FAM168A: variants seen among roughly 807,000 people sequenced by gnomAD.
FAM168A encodes the protein protein FAM168A.
A neutral mutation model predicts 28.5 loss-of-function variants in FAM168A; 3 were observed. The observed-to-expected ratio is 0.11, with a 90% CI of 0.05 to 0.27. The LOEUF (loss-of-function observed/expected upper bound fraction) is 0.27, where lower values mean the gene tolerates loss of function less well. Among genes scored for constraint, FAM168A ranks in the 10% least tolerant of loss-of-function variants. The pLI is 1.00. For synonymous variants in FAM168A, 122 were observed against 124.2 expected (o/e 0.98, Z 0.12); for missense variants, 222 against 311.5 (o/e 0.71, Z 2.16).
At chr11:73,463,290 C>T (rs1468633463) in intron 2 of FAM168A, among the ~76,000 whole-genome samples, 1 of 152,022 alleles carries the variant, frequency 6.6e-6, no homozygotes, top group Admixed American at 6.6e-5. Context: ...TGTTTTACTG[C>T]AATCTTTTTT....
chr11:73,472,182 G>A (rs1737007866), intron 1 of FAM168A, among the ~76,000 whole-genome samples: 1 of 152,136 alleles, frequency 6.6e-6, no homozygotes, highest in African/African-American at 2.4e-5. Flanking sequence ...AATCCACTCA[G>A]GCTGCTTAGG....
At chr11:73,574,222 C>A (rs1336976296) in intron 1 of FAM168A, among the ~76,000 whole-genome samples, 1 of 152,142 alleles carries the variant, frequency 6.6e-6, no homozygotes, top group African/African-American at 2.4e-5. Context: ...ATTTAAAAGG[C>A]ATTTTCACAT....
Position 73,465,338 on chromosome 11 carries a change from A to T in FAM168A, c.70+3067T>A, listed in dbSNP as rs185028048. ...AGAAGAATGTTGAGGTCTTGACTAC[A>T]CTCCAAAATTCTAACAGAAAAACCT... is the stretch of plus-strand genomic sequence containing the variant. On this transcript the variant is annotated intron_variant, in intron 2 of 7. Transcript: ENST00000356467. Among the ~76,000 whole-genome samples the T allele has an allele frequency of 5.3e-5, 8 of 151,516 alleles. No individual in the cohort carries two copies. In the East Asian group the frequency reaches 1.5e-3, roughly 29 times the overall value.
intron 1 of FAM168A, among the ~76,000 whole-genome samples, chr11:73,530,616 A>G (rs1379890938): frequency 6.6e-6 from 1 of 152,130 alleles, no homozygotes; most frequent in African/African-American, 2.4e-5. Context: ...CTTTTCCCTC[A>G]GCCTTAGGTA....
intron 2 of FAM168A, among the ~76,000 whole-genome samples, chr11:73,447,208 C>T (rs563534158): frequency 3.3e-4 from 50 of 152,230 alleles, no homozygotes; most frequent in African/African-American, 1.2e-3. Flanking sequence ...GGTTATTATT[C>T]CCTTAACTAG....
At chr11:73,568,764 G>A (rs1367286687) in intron 1 of FAM168A, among the ~76,000 whole-genome samples, 2 of 151,954 alleles carry the variant, frequency 1.3e-5, no homozygotes, top group African/African-American at 4.8e-5. Flanking sequence ...GTATGGTGGT[G>A]GGCACCTGTA....
At position 73,498,324 on chromosome 11, in the gene FAM168A, C is replaced by A. The variant is rs541331779; in HGVS notation, c.-18-29832G>T. On this transcript the variant is annotated intron_variant, in intron 1 of 7. Coordinates refer to ENST00000356467, the MANE Select transcript of FAM168A (RefSeq NM_015159.3). ...GAGCTGCACAGGGAAGGGGACCCCC[C>A]CTTCCCCCCAGCCAAGGGAGGCAGT... Among the ~76,000 whole-genome samples the A allele has an allele frequency of 1.2e-3, 177 of 152,298 alleles. 1 individual carries two copies. The highest frequency in any genetic ancestry group is 4.1e-3 in the African/African-American group (169 of 41,558).
intron 1 of FAM168A, among the ~76,000 whole-genome samples, chr11:73,579,117 C>T (rs954273764): frequency 6.6e-6 from 1 of 152,112 alleles, no homozygotes; most frequent in African/African-American, 2.4e-5. Flanking sequence ...TCTTCTTATA[C>T]AGGCACTTAT....
At chr11:73,485,036 T>C (rs1868035085) in intron 1 of FAM168A, among the ~76,000 whole-genome samples, 1 of 152,138 alleles carries the variant, frequency 6.6e-6, no homozygotes, top group African/African-American at 2.4e-5. Flanking sequence ...CTGACTAAAA[T>C]ATTAATCTCC....
intron 1 of FAM168A, among the ~76,000 whole-genome samples, chr11:73,545,883 A>G (rs1379380591): frequency 6.6e-6 from 1 of 151,900 alleles, no homozygotes; most frequent in Admixed American, 6.6e-5. Flanking sequence ...ATTCACAACA[A>G]AAAAACCCTG....
At chr11:73,540,928 G>C (rs1011370850) in intron 1 of FAM168A, among the ~76,000 whole-genome samples, 1 of 152,076 alleles carries the variant, frequency 6.6e-6, no homozygotes, top group Non-Finnish European at 1.5e-5. Context: ...AATTAGTCCG[G>C]GTACGGTGGC....
chr11:73,588,878 G>A (rs1308840239), intron 1 of FAM168A, among the ~76,000 whole-genome samples: 1 of 152,124 alleles, frequency 6.6e-6, no homozygotes, highest in African/African-American at 2.4e-5. Flanking sequence ...TGGAATGAGT[G>A]CCTTCAAAAA....
chr11:73,491,293 G>A (rs1868124989), intron 1 of FAM168A, among the ~76,000 whole-genome samples: 1 of 152,220 alleles, frequency 6.6e-6, no homozygotes. Context: ...CACTCCAGCG[G>A]GAAGGAGACT....
chr11:73,584,430 T>C (rs1944283922), intron 1 of FAM168A, among the ~76,000 whole-genome samples: 1 of 151,384 alleles, frequency 6.6e-6, no homozygotes, highest in East Asian at 1.9e-4. Flanking sequence ...CCAGAAGTGC[T>C]GGGATCACAG....
At chr11:73,591,364 G>A (rs1944379490) in intron 1 of FAM168A, among the ~76,000 whole-genome samples, 2 of 151,948 alleles carry the variant, frequency 1.3e-5, no homozygotes, top group Non-Finnish European at 1.5e-5. Flanking sequence ...TTCCTTATAC[G>A]ACACAAATAT....
chr11:73,428,654 A>T (rs1293648243), intron 3 of FAM168A, among the ~76,000 whole-genome samples: 1 of 152,248 alleles, frequency 6.6e-6, no homozygotes, highest in Non-Finnish European at 1.5e-5. Flanking sequence ...AAGCCATTGT[A>T]GTTAAGATAG....
intron 1 of FAM168A, among the ~76,000 whole-genome samples, chr11:73,594,850 T>A (rs1225493883): frequency 6.6e-6 from 1 of 152,194 alleles, no homozygotes; most frequent in Non-Finnish European, 1.5e-5. Flanking sequence ...TTTTAATGAC[T>A]TGACTGAAAT....
chr11:73,426,252 G>A (rs948369324), intron 3 of FAM168A, among the ~76,000 whole-genome samples: 1 of 152,128 alleles, frequency 6.6e-6, no homozygotes, highest in African/African-American at 2.4e-5. Context: ...GTCTTGATTG[G>A]CTCCTACCTC....
At chr11:73,496,744 T>C (rs1481169280) in intron 1 of FAM168A, among the ~76,000 whole-genome samples, 1 of 152,112 alleles carries the variant, frequency 6.6e-6, no homozygotes, top group Non-Finnish European at 1.5e-5. Context: ...GTATTTTTAG[T>C]AGAGACGGGG....
Sources: gnomAD v4.1 joint callset for allele counts (sites outside exome capture counted in the v4.1 genomes callset) on GRCh38, gnomAD v4.1.1 for gene constraint, MANE v1.5 for transcripts, NCBI Gene and HGNC (gene_info 2026-07-23, HGNC 2026-07-21) for gene names.